Variants in BLTP3B observed in about 807,000 individuals in gnomAD.
BLTP3B encodes UHRF1 (ICBP90) binding protein 1-like.
chr12:100,094,579 G>A, the BLTP3B span, among the ~76,000 whole-genome samples: 24 of 152,186 alleles, frequency 1.6e-4, no homozygotes, highest in African/African-American at 4.6e-4. Flanking sequence ...AGCCTAGGCC[G>A]GGCATGGTGG....
chr12:100,106,203 G>A, the BLTP3B span, among the ~76,000 whole-genome samples: 1 of 151,776 alleles, frequency 6.6e-6, no homozygotes. Context: ...TCCCACTACC[G>A]AGTGGGTACC....
At chr12:100,098,295 G>A in the BLTP3B span, 28 of 1,486,750 alleles carry the variant, frequency 1.9e-5, no homozygotes, top group South Asian at 2.7e-5. Flanking sequence ...TTTTTTAATC[G>A]TCCTCTTTTA....
At chr12:100,094,104 T>A in the BLTP3B span, among the ~76,000 whole-genome samples, 1 of 152,156 alleles carries the variant, frequency 6.6e-6, no homozygotes, top group East Asian at 1.9e-4. Context: ...ACTACAATGA[T>A]TTGGGGATTT....
At chr12:100,096,913 C>A in the BLTP3B span, among the ~76,000 whole-genome samples, 1 of 152,118 alleles carries the variant, frequency 6.6e-6, no homozygotes, top group African/African-American at 2.4e-5. Flanking sequence ...GACCTCATCT[C>A]TACAAGTAAC....
chr12:100,111,488 G>A, the BLTP3B span, among the ~76,000 whole-genome samples: 1 of 151,744 alleles, frequency 6.6e-6, no homozygotes, highest in Non-Finnish European at 1.5e-5. Flanking sequence ...GTCTCACCCT[G>A]TTGCCCAGGC....
At chr12:100,134,199 T>C in the BLTP3B span, among the ~76,000 whole-genome samples, 2 of 152,190 alleles carry the variant, frequency 1.3e-5, no homozygotes, top group African/African-American at 2.4e-5. Context: ...CCAGTAATTG[T>C]TTATTGCATA....
At chr12:100,056,172 AG>A in the BLTP3B span, among the ~76,000 whole-genome samples, 1 of 152,216 alleles carries the variant, frequency 6.6e-6, no homozygotes. Flanking sequence ...AAGGATGATC[AG>A]CCCATGAGAG....
the BLTP3B span, among the ~76,000 whole-genome samples, chr12:100,061,550 G>A: frequency 2.6e-5 from 4 of 151,874 alleles, no homozygotes; most frequent in African/African-American, 9.7e-5. Context: ...CCAGCTACTG[G>A]GAAGGCTGAG....
chr12:100,100,177 TGCCTGTAGTCCCA>T, the BLTP3B span, among the ~76,000 whole-genome samples: 1 of 151,806 alleles, frequency 6.6e-6, no homozygotes, highest in African/African-American at 2.4e-5. Flanking sequence ...TGGTGGCGCA[TGCCTGTAGTCCCA>T]GCTACTCGGG....
chr12:100,069,008 C>T, the BLTP3B span, among the ~76,000 whole-genome samples: 366 of 152,174 alleles, frequency 2.4e-3, 8 homozygotes, highest in East Asian at 0.04. Context: ...GAGGCTGACG[C>T]GGGCAGATCA....
chr12:100,064,711 T>C, the BLTP3B span, among the ~76,000 whole-genome samples: 1 of 152,018 alleles, frequency 6.6e-6, no homozygotes, highest in Non-Finnish European at 1.5e-5. Flanking sequence ...CAAGTAAAGA[T>C]ACAGTGTTTT....
At chr12:100,041,789 G>C in the BLTP3B span, among the ~76,000 whole-genome samples, 2 of 151,804 alleles carry the variant, frequency 1.3e-5, no homozygotes, top group Non-Finnish European at 1.5e-5. Flanking sequence ...TGGGCAACTG[G>C]GCAAGAAAAA....
chr12:100,072,673 T>C, the BLTP3B span: 6 of 1,514,466 alleles, frequency 4.0e-6, no homozygotes, highest in East Asian at 9.8e-5. Context: ...CTCTCTTACT[T>C]GGAAAATCCT....
At chr12:100,098,571 TAATGACAA>T in the BLTP3B span, 1 of 1,578,280 alleles carries the variant, frequency 6.3e-7, no homozygotes, top group Non-Finnish European at 8.6e-7. Flanking sequence ...CAAAATACAC[TAATGACAA>T]AACTAATTTT....
At chr12:100,129,969 C>G in the BLTP3B span, among the ~76,000 whole-genome samples, 21 of 152,066 alleles carry the variant, frequency 1.4e-4, no homozygotes, top group African/African-American at 5.1e-4. Flanking sequence ...TTTTCTTCCC[C>G]CCCTTGGGAT....
the BLTP3B span, among the ~76,000 whole-genome samples, chr12:100,050,588 T>A: frequency 2.0e-5 from 3 of 152,166 alleles, no homozygotes; most frequent in African/African-American, 7.2e-5. Context: ...AGTATTTCAC[T>A]GCATCAGGAG....
chr12:100,086,238 C>A, the BLTP3B span: 2 of 1,287,204 alleles, frequency 1.6e-6, no homozygotes, highest in Middle Eastern at 2.2e-4. Flanking sequence ...AATTTGAAAA[C>A]AACATTTATA....
chr12:100,123,361 G>C, the BLTP3B span, among the ~76,000 whole-genome samples: 3 of 152,320 alleles, frequency 2.0e-5, no homozygotes, highest in South Asian at 4.1e-4. Flanking sequence ...GAGTGTTGTA[G>C]TGTATAGGGA....
the BLTP3B span, among the ~76,000 whole-genome samples, chr12:100,063,684 C>T: frequency 1.7e-5 from 2 of 118,938 alleles, no homozygotes; most frequent in African/African-American, 6.5e-5. Context: ...CCAGCCTGGG[C>T]AACAAGAGTG....
Sources: gnomAD v4.1 joint callset for allele counts (sites outside exome capture counted in the v4.1 genomes callset) on GRCh38, gnomAD v4.1.1 for gene constraint, MANE v1.5 for transcripts, NCBI Gene and HGNC (gene_info 2026-07-23, HGNC 2026-07-21) for gene names.